The following MALRD1 variants were observed in gnomAD, a reference collection of about 807,000 sequenced individuals.
MALRD1 encodes the protein MAM and LDL-receptor class A domain-containing protein 1.
A neutral mutation model predicts 242.1 loss-of-function variants in MALRD1; 247 were observed. That is an observed-to-expected ratio of 1.02 (90% CI 0.92 to 1.13). The LOEUF is 1.13. Among genes scored for constraint, MALRD1 ranks in the 50% most tolerant of loss-of-function variants. The probability of loss-of-function intolerance (pLI) is 0.00; values close to 1 mark genes in which losing one functional copy is unlikely to be tolerated. For missense variants in MALRD1, 2,989 were observed against 2,533.1 expected, an observed-to-expected ratio of 1.18 and a Z score of -3.86; for synonymous variants, 995 against 866.6, an observed-to-expected ratio of 1.15 and a Z score of -2.60.
chr10:19,115,477 A>G (rs78060663), intron 5 of MALRD1, among the ~76,000 whole-genome samples: 1,702 of 152,282 alleles, frequency 0.011, 28 homozygotes, highest in African/African-American at 0.039. Context: ...ATACTGGAAA[A>G]TAGGAACTTT....
chr10:19,575,437 C>A (rs1836763230), intron 33 of MALRD1, among the ~76,000 whole-genome samples: 1 of 151,836 alleles, frequency 6.6e-6, no homozygotes, highest in African/African-American at 2.4e-5. Flanking sequence ...TCAACAGCAC[C>A]ACCTCCCTCC....
chr10:19,491,469 A>C, intron 29 of MALRD1, 48 bp from the exon 30 acceptor site: 1 of 1,536,140 alleles, frequency 6.5e-7, no homozygotes. Context: ...TTCAAGTCTA[A>C]TGAAAATATT....
intron 28 of MALRD1, among the ~76,000 whole-genome samples, chr10:19,420,558 T>C (rs1648873171): frequency 6.6e-6 from 1 of 152,138 alleles, no homozygotes; most frequent in South Asian, 2.1e-4. Context: ...ATTTAACTAA[T>C]GCTCATCAGT....
chr10:19,651,200 C>G (rs894723671), intron 36 of MALRD1, among the ~76,000 whole-genome samples: 1 of 152,114 alleles, frequency 6.6e-6, no homozygotes, highest in Non-Finnish European at 1.5e-5. Context: ...AATTAACTAT[C>G]GTGGTTAGGA....
intron 21 of MALRD1, among the ~76,000 whole-genome samples, chr10:19,283,961 C>T (rs1040724710): frequency 1.8e-4 from 28 of 152,094 alleles, no homozygotes; most frequent in African/African-American, 4.6e-4. Flanking sequence ...AAATAGAAAG[C>T]GCTGCAGATG....
intron 8 of MALRD1, 59 bp from the exon 9 acceptor site, chr10:19,133,797 A>G (rs866870416): frequency 1.4e-6 from 1 of 694,776 alleles, no homozygotes; most frequent in South Asian, 7.5e-5. Context: ...AAGAGCATGT[A>G]TGTAAATGTG....
chr10:19,484,160 A>G (rs1186408777), intron 29 of MALRD1, among the ~76,000 whole-genome samples: 2 of 152,318 alleles, frequency 1.3e-5, no homozygotes, highest in East Asian at 3.9e-4. Flanking sequence ...TTGACATGCT[A>G]ACTTTTGTGA....
rs558524545 is a variant in MALRD1, at chr10:19,619,230, T to C, written c.6137+3307T>C. Among the ~76,000 whole-genome samples the C allele has an allele frequency of 6.6e-5, 10 of 152,182 alleles. No homozygotes were observed. In the South Asian group the frequency reaches 2.1e-3, roughly 32 times the overall value. ...AACCTATTTGCCCAGAGGATGCCTT[T>C]TCATCCTTTAGATCCAACATAGGTG... On this transcript the variant is annotated intron_variant, in intron 36 of 39. Transcript: ENST00000454679.
At chr10:19,240,433 AAGAG>A (rs758709971) in intron 18 of MALRD1, among the ~76,000 whole-genome samples, 2 of 151,958 alleles carry the variant, frequency 1.3e-5, no homozygotes, top group South Asian at 4.1e-4. Context: ...AAGAACCTTA[AAGAG>A]AGAGAGATCA....
chr10:19,162,024 T>C (rs1834446496), intron 12 of MALRD1, among the ~76,000 whole-genome samples: 1 of 145,582 alleles, frequency 6.9e-6, no homozygotes, highest in East Asian at 2.0e-4. Flanking sequence ...TGAAACTCTG[T>C]CTCAAGAACA....
At chr10:19,499,588 G>A (rs149363868) in intron 31 of MALRD1, among the ~76,000 whole-genome samples, 1 of 152,224 alleles carries the variant, frequency 6.6e-6, no homozygotes, top group East Asian at 1.9e-4. Context: ...CCTTCATAAT[G>A]TCATGAGCCA....
chr10:19,645,910 TTA>T (rs1468561578), intron 36 of MALRD1, among the ~76,000 whole-genome samples: 3 of 152,022 alleles, frequency 2.0e-5, no homozygotes, highest in African/African-American at 7.3e-5. Context: ...AGGAGTCAAA[TTA>T]TTTTTTTTTA....
chr10:19,396,946 C>G (rs1410745297), intron 28 of MALRD1, among the ~76,000 whole-genome samples: 1 of 152,040 alleles, frequency 6.6e-6, no homozygotes, highest in East Asian at 1.9e-4. Context: ...AATATAGCTG[C>G]ATTTTATTTT....
At chr10:19,430,487 T>C (rs971063934) in intron 28 of MALRD1, among the ~76,000 whole-genome samples, 3 of 151,956 alleles carry the variant, frequency 2.0e-5, no homozygotes, top group African/African-American at 7.2e-5. Flanking sequence ...CTACACACTT[T>C]ATATTACACC....
intron 36 of MALRD1, among the ~76,000 whole-genome samples, chr10:19,644,466 C>A (rs189490486): frequency 2.1e-3 from 1 of 466 alleles, no homozygotes; most frequent in Non-Finnish European, 5.1e-3. Flanking sequence ...GCTTTGGTTA[C>A]GGTCATCAGA....
intron 24 of MALRD1, among the ~76,000 whole-genome samples, chr10:19,340,021 C>G (rs931280860): frequency 6.6e-6 from 1 of 152,088 alleles, no homozygotes; most frequent in African/African-American, 2.4e-5. Context: ...AACTCACTCA[C>G]TGTCATAAGA....
chr10:19,508,756 TA>T (rs1465754766), intron 31 of MALRD1, among the ~76,000 whole-genome samples: 4 of 152,224 alleles, frequency 2.6e-5, no homozygotes, highest in African/African-American at 7.2e-5. Flanking sequence ...ATGTGGCTAC[TA>T]AATATTCTAA....
At chr10:19,074,041 G>A (rs1383353682) in intron 2 of MALRD1, among the ~76,000 whole-genome samples, 2 of 152,092 alleles carry the variant, frequency 1.3e-5, no homozygotes, top group East Asian at 1.9e-4. Context: ...CTCAGGCGAT[G>A]ACACAGAAGT....
chr10:19,410,470 C>T (rs2130882150), intron 28 of MALRD1, among the ~76,000 whole-genome samples: 1 of 152,162 alleles, frequency 6.6e-6, no homozygotes, highest in South Asian at 2.1e-4. Flanking sequence ...TCAGGCATTT[C>T]AAACCAAAAA....
Sources: gnomAD v4.1 joint callset for allele counts (sites outside exome capture counted in the v4.1 genomes callset) on GRCh38, gnomAD v4.1.1 for gene constraint, MANE v1.5 for transcripts, NCBI Gene and HGNC (gene_info 2026-07-23, HGNC 2026-07-21) for gene names.